The following CTNNA2 variants were observed in gnomAD, a reference collection of about 807,000 sequenced individuals.
CTNNA2 encodes catenin alpha 2.
In CTNNA2, 42 loss-of-function variants were observed where a neutral mutation model predicts 101.0. That is an observed-to-expected ratio of 0.42 (90% CI 0.32 to 0.54). The LOEUF (loss-of-function observed/expected upper bound fraction) is 0.54, where lower values mean the gene tolerates loss of function less well. Among genes scored for constraint, CTNNA2 ranks in the 20% least tolerant of loss-of-function variants. The pLI is 0.14. For missense variants in CTNNA2, 871 were observed against 1,223.1 expected, an observed-to-expected ratio of 0.71 and a Z score of 4.29; for synonymous variants, 450 against 456.4, an observed-to-expected ratio of 0.99 and a Z score of 0.18.
intron 3 of CTNNA2, among the ~76,000 whole-genome samples, chr2:79,805,781 CA>C (rs1355751223): frequency 6.6e-6 from 1 of 151,576 alleles, no homozygotes; most frequent in African/African-American, 2.4e-5. Context: ...ACTAAAAATA[CA>C]AAAAAATTAG....
intron 7 of CTNNA2, among the ~76,000 whole-genome samples, chr2:80,350,855 C>A (rs1258824382): frequency 1.3e-5 from 2 of 152,074 alleles, no homozygotes; most frequent in African/African-American, 4.8e-5. Flanking sequence ...TGACAGAAGT[C>A]TTCTAGATGT....
At chr2:80,075,096 A>G (rs1230956391) in intron 7 of CTNNA2, among the ~76,000 whole-genome samples, 1 of 151,848 alleles carries the variant, frequency 6.6e-6, no homozygotes, top group Non-Finnish European at 1.5e-5. Context: ...TTGCACTTCT[A>G]TCCCTGTGTG....
At chr2:80,371,268 C>A (rs1675415964) in intron 7 of CTNNA2, among the ~76,000 whole-genome samples, 1 of 152,190 alleles carries the variant, frequency 6.6e-6, no homozygotes, top group South Asian at 2.1e-4. Flanking sequence ...ATGGCTGTCA[C>A]ATGATAGGCA....
chr2:80,608,846 A>T (rs1413782128), intron 17 of CTNNA2, among the ~76,000 whole-genome samples: 1 of 151,914 alleles, frequency 6.6e-6, no homozygotes, highest in Non-Finnish European at 1.5e-5. Flanking sequence ...GCCAAAAACT[A>T]ACATAATTGT....
chr2:79,477,474 T>C (rs1234631153), intron 4 of CTNNA2, among the ~76,000 whole-genome samples: 1 of 152,160 alleles, frequency 6.6e-6, no homozygotes, highest in Non-Finnish European at 1.5e-5. Context: ...CCCAGCCCAT[T>C]GCATGATCTC....
intron 7 of CTNNA2, among the ~76,000 whole-genome samples, chr2:79,938,401 T>A (rs1229573250): frequency 6.6e-6 from 1 of 152,212 alleles, no homozygotes; most frequent in Non-Finnish European, 1.5e-5. Context: ...TTTCTCAGTG[T>A]AACATTTATA....
At chr2:79,535,629 C>T (rs1673010701) in intron 1 of CTNNA2, among the ~76,000 whole-genome samples, 1 of 151,950 alleles carries the variant, frequency 6.6e-6, no homozygotes, top group Non-Finnish European at 1.5e-5. Flanking sequence ...CTTACTATCC[C>T]ATTGGATATG....
intron 3 of CTNNA2, among the ~76,000 whole-genome samples, chr2:79,354,186 G>A (rs1046652821): frequency 6.6e-6 from 1 of 151,928 alleles, no homozygotes; most frequent in Non-Finnish European, 1.5e-5. Context: ...ATCTCACAAG[G>A]GTTCTCCGAA....
intron 7 of CTNNA2, among the ~76,000 whole-genome samples, chr2:80,164,733 G>A (rs553282337): frequency 6.6e-6 from 1 of 150,922 alleles, no homozygotes; most frequent in South Asian, 2.1e-4. Context: ...CCTTCTTTTG[G>A]GGGAGGTCTA....
intron 3 of CTNNA2, among the ~76,000 whole-genome samples, chr2:79,372,952 T>G (rs1355614543): frequency 1.3e-5 from 2 of 152,144 alleles, no homozygotes; most frequent in Non-Finnish European, 2.9e-5. Flanking sequence ...CTCCCCAGGT[T>G]TTACAACTGG....
At position 79,651,615 on chromosome 2, in the gene CTNNA2, G is replaced by C; in HGVS notation, c.59G>C (p.Arg20Pro). ...TGGGACCCCAAAAGTTTGGAAATCC[G>C]GACGCTAACAGTGGAAAGGCTGTTG... ...LKWDPKSLEI[R>P]TLTVERLLEP... Residue 20 changes from arginine (R) to proline (P), a missense_variant, in exon 2 of 19, where the codon CGG becomes CCG. Physicochemically the swap from Arg to Pro is moderately radical, Grantham distance 103. This residue lies in a region of CTNNA2 where 647 missense variants were observed against 831.5 expected (regional missense o/e 0.78). Coordinates refer to ENST00000402739, the MANE Select transcript of CTNNA2 (RefSeq NM_001282597.3). The C allele has an allele frequency of 6.2e-7, 1 of 1,613,798 alleles. No individual in the cohort carries two copies. Among genetic ancestry groups the C allele is most frequent in the Non-Finnish European group, 8.5e-7 (1 of 1,179,818 alleles).
At chr2:80,246,004 C>T (rs1466342074) in intron 7 of CTNNA2, among the ~76,000 whole-genome samples, 2 of 151,898 alleles carry the variant, frequency 1.3e-5, no homozygotes, top group African/African-American at 4.8e-5. Flanking sequence ...CCGTGTTAGC[C>T]AGGACGGTCT....
chr2:80,197,820 T>A (rs549615779), intron 7 of CTNNA2, among the ~76,000 whole-genome samples: 1 of 152,222 alleles, frequency 6.6e-6, no homozygotes, highest in Non-Finnish European at 1.5e-5. Context: ...TACTTGCTTT[T>A]TGTAGCCTAG....
At chr2:79,398,617 A>G (rs1004933360) in intron 4 of CTNNA2, among the ~76,000 whole-genome samples, 13 of 152,110 alleles carry the variant, frequency 8.5e-5, no homozygotes, top group African/African-American at 3.1e-4. Flanking sequence ...ACAAGAATTG[A>G]GAAGTAGCCT....
intron 2 of CTNNA2, among the ~76,000 whole-genome samples, chr2:79,289,391 A>G (rs531776467): frequency 6.6e-6 from 1 of 152,234 alleles, no homozygotes; most frequent in African/African-American, 2.4e-5. Flanking sequence ...GTTAATAAAA[A>G]TGGAAATTAT....
At chr2:79,503,256 T>C (rs928532211) in intron 4 of CTNNA2, among the ~76,000 whole-genome samples, 4 of 152,338 alleles carry the variant, frequency 2.6e-5, no homozygotes, top group Admixed American at 6.5e-5. Flanking sequence ...TTAATTTCTC[T>C]TCTTATTTAC....
At chr2:79,294,542 C>A (rs1675924925) in intron 2 of CTNNA2, among the ~76,000 whole-genome samples, 1 of 152,110 alleles carries the variant, frequency 6.6e-6, no homozygotes, top group South Asian at 2.1e-4. Flanking sequence ...CTCTCTTCCC[C>A]AAACCATCAA....
At chr2:80,388,796 T>A (rs576738975) in intron 7 of CTNNA2, among the ~76,000 whole-genome samples, 1 of 152,336 alleles carries the variant, frequency 6.6e-6, no homozygotes, top group East Asian at 1.9e-4. Flanking sequence ...AAAGTATGCT[T>A]AATTTGTAGA....
Position 80,531,740 on chromosome 2 carries a change from A to G in CTNNA2, c.1291-13242A>G, listed in dbSNP as rs1414873342. On this transcript the variant is annotated intron_variant, in intron 9 of 18. Coordinates refer to ENST00000402739, the MANE Select transcript of CTNNA2 (RefSeq NM_001282597.3). ...GGGGCACATATTTTTATTCTTTAAGAACCTGTGCTTCTCCTCGATCCACTT... is the reference window on the plus strand; with the variant it reads ...GGGGCACATATTTTTATTCTTTAAGGACCTGTGCTTCTCCTCGATCCACTT... 2.0e-5 allele frequency among the ~76,000 whole-genome samples: 3 copies of G among 152,174 alleles called. No homozygotes were observed. The East Asian group carries it at 5.8e-4, about 29-fold the overall frequency.
Sources: allele counts gnomAD v4.1 joint callset (sites outside exome capture counted in the v4.1 genomes callset), GRCh38; gene constraint gnomAD v4.1.1; regional missense constraint gnomAD v4.1.1; transcripts MANE v1.5; gene names NCBI Gene and HGNC (gene_info 2026-07-23, HGNC 2026-07-21).